Variants in CPS1 observed in about 807,000 individuals in gnomAD.
CPS1 encodes the protein carbamoyl-phosphate synthase [ammonia], mitochondrial.
A neutral mutation model predicts 174.6 loss-of-function variants in CPS1; 109 were observed. The ratio of observed to expected loss-of-function variants is 0.62; its 90% CI spans 0.53 to 0.73. The LOEUF (loss-of-function observed/expected upper bound fraction) is 0.73, where lower values mean the gene tolerates loss of function less well. Among genes scored for constraint, CPS1 ranks in the 30% least tolerant of loss-of-function variants. The pLI, the probability that CPS1 is intolerant of heterozygous loss-of-function variation, is 0.00. For synonymous variants in CPS1, 637 were observed against 632.0 expected (o/e 1.01, Z -0.12); for missense variants, 1,689 against 1,821.9 (o/e 0.93, Z 1.33).
chr2:210,512,878 AGATATATATATG>A (rs1170149336), intron 1 of CPS1, among the ~76,000 whole-genome samples: 3 of 50,528 alleles, frequency 5.9e-5, no homozygotes, highest in Non-Finnish European at 8.9e-5. Context: ...ATATATATAG[AGATATATATATG>A]GAGATATATA....
At chr2:210,674,207 C>T (rs1701424609) in intron 34 of CPS1, 2 of 152,282 alleles carry the variant, frequency 1.3e-5, no homozygotes, top group Admixed American at 1.3e-4. Context: ...GGTGCAGTGG[C>T]TCATGCCTGT....
chr2:210,516,671 A>T (rs570662648), intron 1 of CPS1, among the ~76,000 whole-genome samples: 3 of 151,870 alleles, frequency 2.0e-5, no homozygotes, highest in Admixed American at 6.6e-5. Context: ...GGTTATCTCT[A>T]CCTCATACCC....
chr2:210,642,060 A>T (rs879718485), intron 24 of CPS1, among the ~76,000 whole-genome samples: 16 of 152,232 alleles, frequency 1.1e-4, no homozygotes, highest in Admixed American at 9.8e-4. Context: ...CAGACAGCAG[A>T]TTAAGTGGAA....
chr2:210,581,867 A>G lies in CPS1; in HGVS notation c.529-750A>G, dbSNP rs1697933205. Among the ~76,000 whole-genome samples the G allele has an allele frequency of 2.6e-5, 4 of 152,152 alleles. No individual in the cohort carries two copies. In the South Asian group the frequency reaches 8.3e-4, roughly 32 times the overall value. ...AATTTCATCAGAGAAGGGCATATCA[A>G]TGAATTATTTTGAATTTTTACCCCT... On this transcript the variant is annotated intron_variant, in intron 5 of 37. Coordinates refer to ENST00000233072, the MANE Select transcript of CPS1 (RefSeq NM_001875.5).
chr2:210,501,390 C>G lies in CPS1; in HGVS notation c.3+23624C>G, dbSNP rs375783203. Among the ~76,000 whole-genome samples the G allele has an allele frequency of 1.4e-4, 22 of 152,280 alleles. No homozygotes were observed. The South Asian group carries it at 4.4e-3, about 30-fold the overall frequency. ...ATCATCAGGCTGCAAATTTTCCAAACTTTTATGCTCTGCTTCCCTTTTAAA... is the reference window on the plus strand; with the variant it reads ...ATCATCAGGCTGCAAATTTTCCAAAGTTTTATGCTCTGCTTCCCTTTTAAA... On this transcript the variant is annotated intron_variant, in intron 1 of 38. Transcript: ENST00000430249.
Position 210,674,960 on chromosome 2 carries a change from AG to A in CPS1, c.4161+1del, listed in dbSNP as rs1255153022. 6 of 1,609,098 alleles carry A rather than the reference AG, an allele frequency of 3.7e-6. No homozygotes were observed. Among genetic ancestry groups the A allele is most frequent in the Non-Finnish European group, 5.1e-6 (6 of 1,175,462 alleles). Reference sequence around the variant, plus strand: ...GAACAATTACACAATGAAGGTTTCAAGGTATGTTCATTAGTTTTAAGTTGTT... The same window carrying A: ...GAACAATTACACAATGAAGGTTTCAAGTATGTTCATTAGTTTTAAGTTGTT... ...VAEQLHNEGF[K>X]LFATEATSDW... On this transcript the variant is annotated frameshift_variant and splice_region_variant, in exon 35 of 38. Coordinates refer to ENST00000233072, the MANE Select transcript of CPS1 (RefSeq NM_001875.5). LOFTEE classifies it high-confidence loss of function.
chr2:210,606,801 A>T lies in CPS1; in HGVS notation c.2052A>T (p.Ser684=), dbSNP rs1229423292. ...AGTTTCAGATGTTGAGACGTACTTC[A>T]ATCAATGTTGTTCGCCACTTGGGCA... ...NAEFQMLRRT[S]INVVRHLGIV... is the part of the protein sequence containing the mutation. Residue 684 remains serine, a synonymous_variant, in exon 18 of 38, where the codon TCA becomes TCT. Transcript: ENST00000233072. 7.4e-6 allele frequency: 12 copies of T among 1,612,666 alleles called. No individual in the cohort carries two copies. Among genetic ancestry groups the T allele is most frequent in the Non-Finnish European group, 9.3e-6 (11 of 1,179,120 alleles).
At chr2:210,595,709 CT>C in intron 13 of CPS1, 127 bp downstream of exon 13, 1 of 705,176 alleles carries the variant, frequency 1.4e-6, no homozygotes, top group Non-Finnish European at 2.4e-6. Context: ...TTAACTGTGC[CT>C]TTATAAATCT....
At chr2:210,588,008 T>C (rs1698164404) in intron 6 of CPS1, 50 bp from the exon 7 acceptor site, 3 of 1,547,552 alleles carry the variant, frequency 1.9e-6, no homozygotes, top group Non-Finnish European at 2.7e-6. Context: ...TTTTGGTCTG[T>C]TGCCCATAGC....
chr2:210,491,203 T>C (rs1694864861), intron 1 of CPS1, among the ~76,000 whole-genome samples: 1 of 152,134 alleles, frequency 6.6e-6, no homozygotes, highest in African/African-American at 2.4e-5. Flanking sequence ...GTTTTGTTTC[T>C]TAGGATGATG....
intron 21 of CPS1, among the ~76,000 whole-genome samples, chr2:210,620,112 A>G (rs888921162): frequency 1.3e-5 from 2 of 152,134 alleles, no homozygotes; most frequent in Non-Finnish European, 1.5e-5. Context: ...AAACAAGAAC[A>G]TAGTTTATGT....
chr2:210,491,871 C>A (rs1694885511), intron 1 of CPS1, among the ~76,000 whole-genome samples: 2 of 152,190 alleles, frequency 1.3e-5, no homozygotes, highest in Admixed American at 1.3e-4. Flanking sequence ...ATAGTCATAT[C>A]ATTCTGCTCT....
At chr2:210,557,012 AGCAAAT>A (rs1696934138) in intron 1 of CPS1, among the ~76,000 whole-genome samples, 153 bp downstream of exon 1, 1 of 152,118 alleles carries the variant, frequency 6.6e-6, no homozygotes, top group Admixed American at 6.6e-5. Flanking sequence ...CTACTGACTT[AGCAAAT>A]GCTAATTTTT....
chr2:210,622,126 T>A (rs1369952597), intron 21 of CPS1, among the ~76,000 whole-genome samples: 1 of 151,524 alleles, frequency 6.6e-6, no homozygotes, highest in African/African-American at 2.4e-5. Flanking sequence ...CTTTTTACTT[T>A]AGTAAAAAGT....
At position 210,677,931 on chromosome 2, in the gene CPS1, G is replaced by A. The variant is rs1307317289; in HGVS notation, c.4449G>A (p.Val1483=). 6.2e-7 allele frequency: 1 copy of A among 1,613,886 alleles called. No individual in the cohort carries two copies. The highest frequency in any genetic ancestry group is 8.5e-7 in the Non-Finnish European group (1 of 1,179,988). The part of the protein sequence containing the change: ...FAEAVQKSRK[V]DSKSLFHYRQ... ...AAGCTGTGCAGAAATCTCGCAAGGTGGACTCCAAGAGTCTTTTCCACTACA... is the reference window on the plus strand; with the variant it reads ...AAGCTGTGCAGAAATCTCGCAAGGTAGACTCCAAGAGTCTTTTCCACTACA... The change falls in exon 38 of 38, where the codon GTG becomes GTA. Residue 1483 remains valine (V), a synonymous_variant. Transcript: ENST00000233072.
chr2:210,564,919 T>C (rs1254218629), intron 1 of CPS1, among the ~76,000 whole-genome samples: 5 of 151,824 alleles, frequency 3.3e-5, no homozygotes, highest in East Asian at 1.9e-4. Flanking sequence ...TGCTTGAACC[T>C]AGGAGGCAGA....
chr2:210,522,413 G>C (rs1169601995), intron 1 of CPS1, among the ~76,000 whole-genome samples: 7 of 151,880 alleles, frequency 4.6e-5, no homozygotes, highest in African/African-American at 9.7e-5. Flanking sequence ...AGCTAGAGTA[G>C]ATTTTGTTGT....
intron 25 of CPS1, among the ~76,000 whole-genome samples, chr2:210,645,127 A>G (rs1375712141): frequency 2.0e-5 from 3 of 152,116 alleles, no homozygotes; most frequent in Admixed American, 6.5e-5. Context: ...GGATTATTCC[A>G]TAAAACTGTG....
At chr2:210,594,763 C>A (rs1443144899) in intron 12 of CPS1, among the ~76,000 whole-genome samples, 157 bp downstream of exon 12, 1 of 151,810 alleles carries the variant, frequency 6.6e-6, no homozygotes, top group African/African-American at 2.4e-5. Context: ...TTATTTGGTT[C>A]CTTCTTGATG....
Sources: gnomAD v4.1 joint callset for allele counts (sites outside exome capture counted in the v4.1 genomes callset) on GRCh38, gnomAD v4.1.1 for gene constraint, MANE v1.5 for transcripts, NCBI Gene and HGNC (gene_info 2026-07-23, HGNC 2026-07-21) for gene names.